The following ARSG variants were observed in gnomAD, a reference collection of about 807,000 sequenced individuals.
ARSG encodes the protein ASG.
A neutral mutation model predicts 50.5 loss-of-function variants in ARSG; 37 were observed. That is an observed-to-expected ratio of 0.73 (90% CI 0.56 to 0.96). ARSG has a LOEUF of 0.96. ARSG is among the 50% of genes least tolerant of loss of function. The pLI, the probability that ARSG is intolerant of heterozygous loss-of-function variation, is 0.00. For synonymous variants in ARSG, 225 were observed against 254.6 expected (o/e 0.88, Z 1.11); for missense variants, 629 against 675.3 (o/e 0.93, Z 0.76).
chr17:68,280,140 C>A (rs1555752208), intron 1 of ARSG, among the ~76,000 whole-genome samples: 1 of 147,556 alleles, frequency 6.8e-6, no homozygotes, highest in African/African-American at 2.5e-5. Flanking sequence ...TGAGACTGCA[C>A]CACTGCACTC....
chr17:68,379,468 G>A (rs2080323126), intron 8 of ARSG, among the ~76,000 whole-genome samples: 1 of 142,762 alleles, frequency 7.0e-6, no homozygotes, highest in East Asian at 2.0e-4. Flanking sequence ...TGGAGCAGAG[G>A]GGTCTTGCTT....
the ARSG span, among the ~76,000 whole-genome samples, chr17:68,439,497 G>A: frequency 1.3e-5 from 2 of 152,130 alleles, no homozygotes; most frequent in African/African-American, 4.8e-5. Context: ...GGGAGTGATG[G>A]CTTAGAGGTA....
Position 68,307,307 on chromosome 17 carries a change from T to C in ARSG, c.-187T>C. On this transcript the variant is annotated 5_prime_UTR_variant, in exon 2 of 12. Coordinates refer to ENST00000621439, the MANE Select transcript of ARSG (RefSeq NM_001267727.2). ...GGATTCCAGATGGGGGCCTCATTTC[T>C]ACAGCCCCCAACATTCCTATAGCCG... The C allele has an allele frequency of 1.8e-6, 1 of 565,738 alleles. No homozygotes were observed. Among genetic ancestry groups the C allele is most frequent in the South Asian group, 2.5e-5 (1 of 39,746 alleles). 35.0% of individuals were successfully genotyped at this position (565,738 alleles called of 1,614,324 possible).
chr17:68,422,093 C>G (rs1222503594), downstream of ARSG: 3 of 415,390 alleles, frequency 7.2e-6, no homozygotes, highest in African/African-American at 2.0e-5. Flanking sequence ...TTTTAAAAGG[C>G]TCATCTTACT....
rs77667421 is a variant in ARSG, at chr17:68,385,107, G to A, written c.1026G>A (p.Arg342=). 4,343 of 1,614,028 alleles carry A rather than the reference G, an allele frequency of 2.7e-3. 94 individuals carry two copies. In the African/African-American group the frequency reaches 0.051, roughly 19 times the overall value. ...AGACGACCTGGGAAGGAGGGCACCG[G>A]GTCCCAGCACTGGCTTACTGGCCTG... ...AKQTTWEGGH[R]VPALAYWPGR... is the part of the protein sequence containing the mutation. The change falls in exon 9 of 12, where the codon CGG becomes CGA. Residue 342 remains arginine (R), a synonymous_variant. Transcript: ENST00000621439.
At chr17:68,345,168 C>T (rs567316282) in intron 3 of ARSG, among the ~76,000 whole-genome samples, 55 of 152,312 alleles carry the variant, frequency 3.6e-4, no homozygotes, top group African/African-American at 1.3e-3. Context: ...CAGTTACATG[C>T]GTCCATGTAA....
At chr17:68,448,920 C>T in the ARSG span, among the ~76,000 whole-genome samples, 72 of 152,304 alleles carry the variant, frequency 4.7e-4, no homozygotes, top group African/African-American at 1.5e-3. Context: ...TTTCTTACTC[C>T]TGCTACTCCC....
chr17:68,445,934 G>T, the ARSG span, among the ~76,000 whole-genome samples: 1 of 152,198 alleles, frequency 6.6e-6, no homozygotes, highest in Non-Finnish European at 1.5e-5. Flanking sequence ...GGTTTGGGAA[G>T]TTTTTAGACG....
At chr17:68,360,854 C>T (rs373863673) in intron 6 of ARSG, among the ~76,000 whole-genome samples, 93 of 152,256 alleles carry the variant, frequency 6.1e-4, no homozygotes, top group African/African-American at 2.1e-3. Flanking sequence ...GACTGAGTCT[C>T]GCTCTTGTCA....
intron 1 of ARSG, chr17:68,268,769 C>G (rs1319879994): frequency 3.7e-6 from 1 of 271,926 alleles, no homozygotes; most frequent in East Asian, 8.4e-5. Context: ...TTTGCCAGTT[C>G]ATGTCACTAT....
chr17:68,339,335 A>G (rs942345364), intron 2 of ARSG, among the ~76,000 whole-genome samples: 2 of 152,204 alleles, frequency 1.3e-5, no homozygotes, highest in Non-Finnish European at 2.9e-5. Flanking sequence ...AATTAAAAAA[A>G]TAAAAAAGAG....
chr17:68,444,464 G>C, the ARSG span: 7 of 1,589,628 alleles, frequency 4.4e-6, no homozygotes, highest in Non-Finnish European at 5.2e-6. Flanking sequence ...TGAAATTTCA[G>C]GGACATTTGT....
At chr17:68,316,768 A>G (rs530281929) in intron 2 of ARSG, among the ~76,000 whole-genome samples, 11 of 152,260 alleles carry the variant, frequency 7.2e-5, no homozygotes, top group African/African-American at 2.6e-4. Flanking sequence ...GCTAGCTCTT[A>G]TGATTCCCTA....
At chr17:68,316,111 T>C (rs2077060770) in intron 2 of ARSG, among the ~76,000 whole-genome samples, 1 of 152,202 alleles carries the variant, frequency 6.6e-6, no homozygotes, top group Non-Finnish European at 1.5e-5. Flanking sequence ...TTCTGTTCCT[T>C]GAACATATGC....
chr17:68,415,967 C>T (rs1014385719), intron 11 of ARSG, among the ~76,000 whole-genome samples: 2 of 152,118 alleles, frequency 1.3e-5, no homozygotes, highest in African/African-American at 4.8e-5. Flanking sequence ...CTTATCCATT[C>T]TGCTGTTTTG....
intron 1 of ARSG, among the ~76,000 whole-genome samples, chr17:68,286,049 GC>G (rs1382073129): frequency 1.3e-5 from 2 of 152,262 alleles, no homozygotes; most frequent in East Asian, 3.9e-4. Flanking sequence ...GTGAGCCACC[GC>G]GCCTGGCATA....
intron 9 of ARSG, among the ~76,000 whole-genome samples, chr17:68,393,329 C>G (rs1296606141): frequency 2.0e-5 from 3 of 152,174 alleles, no homozygotes; most frequent in Non-Finnish European, 4.4e-5. Context: ...CTGTAACGCC[C>G]TGGACGAGTC....
the ARSG span, chr17:68,433,484 C>G: frequency 6.2e-7 from 1 of 1,613,850 alleles, no homozygotes; most frequent in South Asian, 1.1e-5. Context: ...GTGACCTGTT[C>G]CAGCTTGAAG....
the ARSG span, among the ~76,000 whole-genome samples, chr17:68,433,760 GTTTTTTTTTTTTTTTTTTTTTTTTT>G: frequency 1.2e-4 from 9 of 72,822 alleles, no homozygotes; most frequent in South Asian, 5.5e-4. Context: ...AAGGGTCATA[GTTTTTTTTTTTTTTTTTTTTTTTTT>G]TTTTTTTTTT....
Sources: gnomAD v4.1 joint callset for allele counts (sites outside exome capture counted in the v4.1 genomes callset) on GRCh38, gnomAD v4.1.1 for gene constraint, MANE v1.5 for transcripts, NCBI Gene and HGNC (gene_info 2026-07-23, HGNC 2026-07-21) for gene names.